Variants in NIPAL2 observed in about 807,000 individuals in gnomAD.
NIPAL2 encodes NIPA-like protein 2.
A neutral mutation model predicts 48.9 loss-of-function variants in NIPAL2; 43 were observed. That is an observed-to-expected ratio of 0.88 (90% CI 0.69 to 1.13). The LOEUF is 1.13. Among genes scored for constraint, NIPAL2 ranks in the 50% most tolerant of loss-of-function variants. The probability of loss-of-function intolerance (pLI) is 0.00; values close to 1 mark genes in which losing one functional copy is unlikely to be tolerated. For synonymous variants in NIPAL2, 167 were observed against 174.6 expected (o/e 0.96, Z 0.34); for missense variants, 446 against 461.4 (o/e 0.97, Z 0.31).
chr8:98,243,437 G>A lies in NIPAL2; in HGVS notation c.377-7223C>T, dbSNP rs116605152. Among the ~76,000 whole-genome samples the A allele has an allele frequency of 1.4e-4, 22 of 152,296 alleles. No individual in the cohort carries two copies. In the South Asian group the frequency reaches 2.1e-3, roughly 14 times the overall value. On this transcript the variant is annotated intron_variant, in intron 3 of 10. Coordinates refer to ENST00000430223, the MANE Select transcript of NIPAL2 (RefSeq NM_001321635.2). ...TGGGGGAGGGTGCCAGTCCCAGAGCGAGGTATGTGTCTTGGTGTTGCACTT... is the reference window on the plus strand; with the variant it reads ...TGGGGGAGGGTGCCAGTCCCAGAGCAAGGTATGTGTCTTGGTGTTGCACTT...
chr8:98,202,396 T>C (rs1810845553), intron 8 of NIPAL2, among the ~76,000 whole-genome samples: 1 of 152,152 alleles, frequency 6.6e-6, no homozygotes, highest in Non-Finnish European at 1.5e-5. Flanking sequence ...TGGATATCTG[T>C]CCCCTCCAAA....
chr8:98,229,028 A>C (rs1373758132), intron 4 of NIPAL2, among the ~76,000 whole-genome samples: 1 of 152,186 alleles, frequency 6.6e-6, no homozygotes, highest in Admixed American at 6.5e-5. Context: ...TGGATATTGG[A>C]GGGGACATAA....
At chr8:98,266,898 C>T (rs114648194) in intron 1 of NIPAL2, among the ~76,000 whole-genome samples, 1,982 of 151,878 alleles carry the variant, frequency 0.013, 53 homozygotes, top group African/African-American at 0.045. Context: ...TAAGGTGATA[C>T]TAAGAGGTAA....
intron 8 of NIPAL2, among the ~76,000 whole-genome samples, chr8:98,196,251 T>C (rs1810541042): frequency 6.6e-6 from 1 of 152,186 alleles, no homozygotes; most frequent in African/African-American, 2.4e-5. Context: ...ATAATTGACA[T>C]ATATTTGCAA....
At chr8:98,290,045 C>G (rs1464944035) in intron 1 of NIPAL2, among the ~76,000 whole-genome samples, 1 of 152,156 alleles carries the variant, frequency 6.6e-6, no homozygotes, top group Non-Finnish European at 1.5e-5. Flanking sequence ...GGCCTTCAGG[C>G]ATGGAATAAA....
intron 10 of NIPAL2, among the ~76,000 whole-genome samples, chr8:98,193,767 C>A (rs1810410701): frequency 6.7e-6 from 1 of 149,346 alleles, no homozygotes. Context: ...TGTGCCACTG[C>A]ACTCCAGCCT....
intron 8 of NIPAL2, among the ~76,000 whole-genome samples, chr8:98,198,903 C>T (rs1400044977): frequency 1.3e-5 from 2 of 151,836 alleles, no homozygotes; most frequent in Non-Finnish European, 2.9e-5. Context: ...CATGTGATCA[C>T]TGGAGTAGCA....
At position 98,279,742 on chromosome 8, in the gene NIPAL2, T is replaced by C. The variant is rs574819095; in HGVS notation, c.135+14261A>G. Reference sequence around the variant, plus strand: ...AGCAGAATTTGTTTCTTTTTCTCAATACAAATGAAATAAAGCAATGACAAT... The same window carrying C: ...AGCAGAATTTGTTTCTTTTTCTCAACACAAATGAAATAAAGCAATGACAAT... On this transcript the variant is annotated intron_variant, in intron 1 of 10. Coordinates refer to ENST00000430223, the MANE Select transcript of NIPAL2 (RefSeq NM_001321635.2). Among the ~76,000 whole-genome samples the C allele has an allele frequency of 4.3e-4, 66 of 152,332 alleles. 1 individual carries two copies. The highest frequency in any genetic ancestry group is 1.6e-3 in the African/African-American group (65 of 41,578).
At chr8:98,204,689 G>A (rs1045111542) in intron 7 of NIPAL2, among the ~76,000 whole-genome samples, 7 of 151,938 alleles carry the variant, frequency 4.6e-5, no homozygotes, top group Admixed American at 2.6e-4. Flanking sequence ...GTCTGGTTTC[G>A]TCCTTCTCTG....
chr8:98,259,968 C>A (rs1814194325), intron 1 of NIPAL2, among the ~76,000 whole-genome samples: 1 of 152,082 alleles, frequency 6.6e-6, no homozygotes, highest in Non-Finnish European at 1.5e-5. Flanking sequence ...TTTTAAACCA[C>A]AAAACTTTAG....
At chr8:98,216,827 T>A (rs1262135054) in intron 5 of NIPAL2, among the ~76,000 whole-genome samples, 1 of 152,184 alleles carries the variant, frequency 6.6e-6, no homozygotes, top group Admixed American at 6.5e-5. Flanking sequence ...AGGGCTGCAT[T>A]TTCTAACATG....
chr8:98,205,317 T>G, intron 6 of NIPAL2, 71 bp from the exon 7 acceptor site: 5 of 1,334,716 alleles, frequency 3.7e-6, no homozygotes, highest in Non-Finnish European at 5.2e-6. Flanking sequence ...CTTAAGCTTA[T>G]GTAGTAGAGT....
chr8:98,210,928 C>T (rs16896802), intron 6 of NIPAL2, among the ~76,000 whole-genome samples: 55,059 of 152,026 alleles, frequency 0.36, 10,157 homozygotes, highest in South Asian at 0.51. Context: ...CAAAACACTT[C>T]GCAACCTGCA....
intron 5 of NIPAL2, among the ~76,000 whole-genome samples, chr8:98,217,934 C>G (rs1479662934): frequency 6.6e-6 from 1 of 152,174 alleles, no homozygotes; most frequent in Non-Finnish European, 1.5e-5. Context: ...CTAACCACCA[C>G]TTAATGGATA....
intron 3 of NIPAL2, chr8:98,251,659 T>C (rs1387231890): frequency 6.6e-6 from 1 of 152,236 alleles, no homozygotes; most frequent in South Asian, 2.1e-4. Context: ...TGATGTTTTC[T>C]TTAAGAATAT....
intron 4 of NIPAL2, among the ~76,000 whole-genome samples, chr8:98,235,636 CATTAAT>C (rs1386223675): frequency 6.6e-6 from 1 of 151,190 alleles, no homozygotes; most frequent in Non-Finnish European, 1.5e-5. Context: ...AATTTTATAA[CATTAAT>C]ATTATTATAA....
intron 1 of NIPAL2, among the ~76,000 whole-genome samples, chr8:98,280,513 G>A (rs1188800435): frequency 2.6e-5 from 4 of 151,734 alleles, no homozygotes; most frequent in Non-Finnish European, 4.4e-5. Flanking sequence ...ACCAGGGGAC[G>A]TGTCTGAGAC....
At chr8:98,218,816 C>A (rs904480157) in intron 5 of NIPAL2, among the ~76,000 whole-genome samples, 31 of 152,114 alleles carry the variant, frequency 2.0e-4, no homozygotes, top group Non-Finnish European at 7.3e-5. Context: ...GTAGGGGAGG[C>A]AGACAGGTAC....
At chr8:98,224,336 G>GT (rs891589863) in intron 4 of NIPAL2, among the ~76,000 whole-genome samples, 101 of 150,886 alleles carry the variant, frequency 6.7e-4, no homozygotes, top group Non-Finnish European at 8.4e-4. Flanking sequence ...TGTACATGAG[G>GT]TTTTTTTTTA....
Sources: gnomAD v4.1 joint callset for allele counts (sites outside exome capture counted in the v4.1 genomes callset) on GRCh38, gnomAD v4.1.1 for gene constraint, MANE v1.5 for transcripts, NCBI Gene and HGNC (gene_info 2026-07-23, HGNC 2026-07-21) for gene names.